Variants in DCLK1 observed in about 807,000 individuals in gnomAD.
DCLK1 encodes serine/threonine-protein kinase DCLK1.
DCLK1 carries 16 observed loss-of-function variants against 86.2 expected under a neutral mutation model. The ratio of observed to expected loss-of-function variants is 0.19; its 90% CI spans 0.13 to 0.28. DCLK1 has a LOEUF of 0.28. Ranked by LOEUF, DCLK1 falls within the 10% of genes least tolerant of loss-of-function variation. The probability of loss-of-function intolerance (pLI) is 1.00; values close to 1 mark genes in which losing one functional copy is unlikely to be tolerated. For missense variants in DCLK1, 590 were observed against 940.2 expected (o/e 0.63, Z 4.87); for synonymous variants, 369 against 370.5 (o/e 1.00, Z 0.05).
chr13:36,124,705 G>T (rs1462710979), intron 2 of DCLK1, among the ~76,000 whole-genome samples: 1 of 152,166 alleles, frequency 6.6e-6, no homozygotes, highest in African/African-American at 2.4e-5. Flanking sequence ...TACACGGCCT[G>T]AGCAAATAGT....
intron 13 of DCLK1, 118 bp from the exon 14 acceptor site, chr13:35,808,438 AT>A (rs1268768884): frequency 2.3e-6 from 2 of 870,172 alleles, no homozygotes; most frequent in Non-Finnish European, 1.9e-6. Flanking sequence ...AAAAATGTGT[AT>A]TTTTAATCGA....
intron 16 of DCLK1, chr13:35,788,035 GA>G (rs1377408483): frequency 3.1e-5 from 20 of 649,508 alleles, no homozygotes; most frequent in Non-Finnish European, 4.1e-5. Flanking sequence ...AATAATGGGT[GA>G]AAAAAAGGAA....
chr13:36,125,558 A>G (rs760511926), intron 2 of DCLK1, among the ~76,000 whole-genome samples: 2 of 152,234 alleles, frequency 1.3e-5, no homozygotes, highest in Non-Finnish European at 2.9e-5. Flanking sequence ...CCCTTAGCAC[A>G]TTATTATAAG....
At chr13:36,114,799 C>T (rs976504157) in intron 2 of DCLK1, among the ~76,000 whole-genome samples, 3 of 152,048 alleles carry the variant, frequency 2.0e-5, no homozygotes, top group African/African-American at 4.8e-5. Context: ...TAATTATCAT[C>T]GATTATTATA....
chr13:36,044,013 C>T (rs1165558396), intron 3 of DCLK1, among the ~76,000 whole-genome samples: 7 of 152,204 alleles, frequency 4.6e-5, no homozygotes, highest in African/African-American at 1.7e-4. Flanking sequence ...TGGAGAGGGG[C>T]CTAGTGGGCG....
chr13:36,093,812 T>C lies in DCLK1; in HGVS notation c.723+18057A>G, dbSNP rs183136095. On this transcript the variant is annotated intron_variant, in intron 3 of 16. Coordinates refer to ENST00000360631, the MANE Select transcript of DCLK1 (RefSeq NM_001330071.2). ...TAGAAATACATTAATAGAGCTTAGA[T>C]AGTATTTGTGGAATATAAAGACAAA... Among the ~76,000 whole-genome samples the C allele has an allele frequency of 2.2e-3, 342 of 152,316 alleles. 1 individual carries two copies. The highest frequency in any genetic ancestry group is 7.9e-3 in the African/African-American group (330 of 41,578).
chr13:35,826,534 A>AGG (rs1868461768), intron 10 of DCLK1, among the ~76,000 whole-genome samples: 40 of 21,680 alleles, frequency 1.8e-3, no homozygotes, highest in African/African-American at 2.6e-3. Flanking sequence ...AAAAAAAAAA[A>AGG]AAAAAAAAGA....
chr13:36,110,216 G>A (rs61378129), intron 3 of DCLK1, among the ~76,000 whole-genome samples: 27,672 of 152,094 alleles, frequency 0.18, 3,060 homozygotes, highest in East Asian at 0.44. Flanking sequence ...CCAGTGAAGG[G>A]CTTACAAAAT....
At chr13:36,083,657 C>T (rs1419668480) in intron 3 of DCLK1, among the ~76,000 whole-genome samples, 2 of 152,148 alleles carry the variant, frequency 1.3e-5, no homozygotes, top group Admixed American at 6.6e-5. Flanking sequence ...AATAAATCAT[C>T]CAAGGAATTC....
intron 3 of DCLK1, among the ~76,000 whole-genome samples, chr13:36,057,568 T>A (rs1883383700): frequency 1.3e-5 from 2 of 152,202 alleles, no homozygotes; most frequent in Admixed American, 1.3e-4. Flanking sequence ...TTGTTAATAA[T>A]ACCATTTAAA....
chr13:35,994,723 G>A (rs569035046), intron 3 of DCLK1, among the ~76,000 whole-genome samples: 17 of 152,246 alleles, frequency 1.1e-4, no homozygotes, highest in Admixed American at 2.0e-4. Flanking sequence ...GGCAGTGCTC[G>A]GGCTCTGATT....
intron 4 of DCLK1, among the ~76,000 whole-genome samples, chr13:35,893,438 TC>T (rs2153119966): frequency 6.6e-6 from 1 of 152,324 alleles, no homozygotes; most frequent in Admixed American, 6.5e-5. Context: ...ATTGAGCACT[TC>T]CTGTGTGCCA....
intron 5 of DCLK1, among the ~76,000 whole-genome samples, chr13:35,858,522 T>C (rs986277975): frequency 6.6e-6 from 1 of 152,156 alleles, no homozygotes; most frequent in Non-Finnish European, 1.5e-5. Flanking sequence ...AACTTTGCAC[T>C]TTTCCCATGA....
intron 4 of DCLK1, among the ~76,000 whole-genome samples, chr13:35,918,674 G>GC (rs1875579349): frequency 1.3e-5 from 2 of 152,012 alleles, no homozygotes; most frequent in Non-Finnish European, 2.9e-5. Flanking sequence ...GAACCCCCAG[G>GC]AAATCGCCTA....
At chr13:35,979,051 G>T (rs1879507953) in intron 3 of DCLK1, among the ~76,000 whole-genome samples, 1 of 152,102 alleles carries the variant, frequency 6.6e-6, no homozygotes, top group Admixed American at 6.5e-5. Flanking sequence ...TGAGAAACCT[G>T]AGCTCTGCAG....
At chr13:35,839,031 T>C (rs1869603040) in intron 7 of DCLK1, 61 bp downstream of exon 7, 2 of 1,461,824 alleles carry the variant, frequency 1.4e-6, no homozygotes, top group Non-Finnish European at 9.4e-7. Flanking sequence ...CACAGTTTCT[T>C]GGAGTAAATT....
intron 4 of DCLK1, among the ~76,000 whole-genome samples, chr13:35,921,809 G>A (rs1279530053): frequency 6.6e-6 from 1 of 152,156 alleles, no homozygotes; most frequent in Non-Finnish European, 1.5e-5. Flanking sequence ...TGATGACTGT[G>A]GGAAGGGGCA....
intron 4 of DCLK1, among the ~76,000 whole-genome samples, chr13:35,877,604 C>T (rs1872661053): frequency 6.6e-6 from 1 of 152,134 alleles, no homozygotes; most frequent in East Asian, 1.9e-4. Context: ...TGAAACCAAC[C>T]AGCATAAAAG....
chr13:35,997,702 A>G (rs1880532461), intron 3 of DCLK1, among the ~76,000 whole-genome samples: 1 of 152,216 alleles, frequency 6.6e-6, no homozygotes, highest in African/African-American at 2.4e-5. Context: ...TAAATCAGAT[A>G]TAAAAGAACT....
Sources: allele counts gnomAD v4.1 joint callset (sites outside exome capture counted in the v4.1 genomes callset), GRCh38; gene constraint gnomAD v4.1.1; transcripts MANE v1.5; gene names NCBI Gene and HGNC (gene_info 2026-07-23, HGNC 2026-07-21).